Variants in LAMC3 observed in about 807,000 individuals in gnomAD.
The protein encoded by LAMC3 is laminin subunit gamma-3.
Under a neutral mutation model 173.8 loss-of-function variants are expected in LAMC3, and 128 were observed. That is an observed-to-expected ratio of 0.74 (90% CI 0.64 to 0.85). The LOEUF (loss-of-function observed/expected upper bound fraction) is 0.85, where lower values mean the gene tolerates loss of function less well. LAMC3 is among the 40% of genes least tolerant of loss of function. The pLI is 0.00. For missense variants in LAMC3, 2,022 were observed against 2,156.0 expected, an observed-to-expected ratio of 0.94 and a Z score of 1.23; for synonymous variants, 897 against 909.1, an observed-to-expected ratio of 0.99 and a Z score of 0.24.
At chr9:131,010,923 G>A (rs1027700154) in intron 1 of LAMC3, among the ~76,000 whole-genome samples, 3 of 152,196 alleles carry the variant, frequency 2.0e-5, no homozygotes, top group African/African-American at 4.8e-5. Flanking sequence ...CCGGGTAAGC[G>A]CCAAGTGTCT....
intron 12 of LAMC3, among the ~76,000 whole-genome samples, chr9:131,060,364 C>T (rs905206251): frequency 3.3e-5 from 5 of 152,170 alleles, no homozygotes; most frequent in African/African-American, 1.2e-4. Flanking sequence ...ACAGTGCTGG[C>T]CGGGCACGGT....
rs762811443 is a variant in LAMC3 at position 131,052,524 on chromosome 9, G to A, written c.1664G>A (p.Gly555Glu). The change falls in exon 10 of 28, where the codon GGG becomes GAG. Residue 555 changes from glycine (G) to glutamate (E), a missense_variant. Coordinates refer to ENST00000361069, the MANE Select transcript of LAMC3 (RefSeq NM_006059.4). ...KFLGDQRFSY[G>E]QPLILTFRVP... The stretch of plus-strand genomic sequence containing the variant: ...CTGGGAGACCAGCGGTTCAGCTATG[G>A]GCAGCCCCTCATACTGACCTTCCGG... The A allele has an allele frequency of 1.2e-5, 19 of 1,614,026 alleles. No homozygotes were observed. The highest frequency in any genetic ancestry group is 1.5e-5 in the Non-Finnish European group (18 of 1,180,008).
At chr9:131,054,808 G>C (rs1834369815) in intron 11 of LAMC3, among the ~76,000 whole-genome samples, 3 of 128,500 alleles carry the variant, frequency 2.3e-5, no homozygotes, top group Non-Finnish European at 4.9e-5. Flanking sequence ...GAGAGAGTGA[G>C]AGAGAGAGAA....
At chr9:131,069,611 C>A (rs1830002893) in intron 16 of LAMC3, 61 bp from the exon 17 acceptor site, 10 of 1,543,222 alleles carry the variant, frequency 6.5e-6, no homozygotes, top group Non-Finnish European at 8.8e-6. Context: ...CCCCTCTAAA[C>A]CCAGCACGCA....
rs781624841 is a variant in LAMC3, at chr9:131,009,241, G to T, written c.27G>T (p.Gly9=). The T allele has an allele frequency of 3.8e-5, 48 of 1,273,852 alleles. 2 individuals are homozygous for T. In the South Asian group the frequency reaches 1.2e-3, roughly 31 times the overall value. The allele number at this position is 1,273,852 out of a possible 1,614,324, so 78.9% of individuals were successfully genotyped here. MAAAALLL[G]LALLAPRAAG... ...TGGCGGCGGCTGCGCTTCTGCTGGGGCTGGCGCTGCTGGCACCGCGGGCGG... is the reference window on the plus strand; with the variant it reads ...TGGCGGCGGCTGCGCTTCTGCTGGGTCTGGCGCTGCTGGCACCGCGGGCGG... The change falls in exon 1 of 28, where the codon GGG becomes GGT. Residue 9 remains glycine (G), a synonymous_variant. Transcript: ENST00000361069. This position sits in a 1 kb window ranked among gnomAD's most constrained non-coding sequence, Gnocchi z 4.3.
rs1830067649 is a variant in LAMC3 at position 131,073,293 on chromosome 9, G to A, written c.3466G>A (p.Ala1156Thr). The change falls in exon 20 of 28, where the codon GCC becomes ACC. Residue 1156 changes from alanine to threonine, a missense_variant. By Grantham distance (58) the Ala-to-Thr change is moderately conservative. Coordinates refer to ENST00000361069, the MANE Select transcript of LAMC3 (RefSeq NM_006059.4). The part of the protein sequence containing the change: ...PSQPTKWSHL[A>T]TEARALARSH... ...TCAGCCGACCAAATGGAGCCACCTGGCCACAGAGGCCCGTGCCCTCGCCAG... is the reference window on the plus strand; with the variant it reads ...TCAGCCGACCAAATGGAGCCACCTGACCACAGAGGCCCGTGCCCTCGCCAG... 5.6e-6 allele frequency: 9 copies of A among 1,613,752 alleles called. No homozygotes were observed. The highest frequency in any genetic ancestry group is 6.8e-6 in the Non-Finnish European group (8 of 1,179,986).
chr9:131,052,875 GC>G lies in LAMC3; in HGVS notation c.1853del (p.Pro618LeufsTer15), dbSNP rs767180504. The G allele has an allele frequency of 1.2e-6, 2 of 1,613,746 alleles. No homozygotes were observed. The highest frequency in any genetic ancestry group is 1.7e-6 in the Non-Finnish European group (2 of 1,179,866). On this transcript the variant is annotated frameshift_variant, in exon 11 of 28. Coordinates refer to ENST00000361069, the MANE Select transcript of LAMC3 (RefSeq NM_006059.4). LOFTEE classifies it high-confidence loss of function. Reference sequence around the variant, plus strand: ...CCTGCAGGAGACCTCCGAGGACGTGGCCCCTCCACTGCCCCCCTTCCACTTC... The same window carrying G: ...CCTGCAGGAGACCTCCGAGGACGTGGCCCTCCACTGCCCCCCTTCCACTTC... ...FHLQETSEDV[A>X]PPLPPFHFQR... is the part of the protein sequence containing the mutation.
At chr9:131,080,253 G>C (rs1485508198) in intron 23 of LAMC3, 1 of 145,300 alleles carries the variant, frequency 6.9e-6, no homozygotes, top group East Asian at 2.0e-4. Flanking sequence ...TAGGATTATA[G>C]GTGTAAGCCA....
intron 27 of LAMC3, among the ~76,000 whole-genome samples, chr9:131,089,907 T>G (rs990996494): frequency 5.3e-5 from 8 of 152,132 alleles, no homozygotes; most frequent in Non-Finnish European, 8.8e-5. Context: ...GTTATTCTTT[T>G]GCCGTTTTGC....
intron 8 of LAMC3, 124 bp downstream of exon 8, chr9:131,045,784 A>G: frequency 8.0e-7 from 1 of 1,255,778 alleles, no homozygotes; most frequent in Non-Finnish European, 1.1e-6. Flanking sequence ...AGGCCTGCAC[A>G]GCCTAGGTGG....
intron 18 of LAMC3, 147 bp from the exon 19 acceptor site, chr9:131,072,483 G>C: frequency 2.8e-6 from 2 of 710,174 alleles, no homozygotes; most frequent in Non-Finnish European, 4.9e-6. Context: ...TGGAAAATGG[G>C]GGTACTCTGC....
At chr9:131,069,131 T>G in intron 16 of LAMC3, 81 bp downstream of exon 16, 1 of 1,501,284 alleles carries the variant, frequency 6.7e-7, no homozygotes, top group Non-Finnish European at 9.2e-7. Flanking sequence ...ATGGGGAAAA[T>G]GGGCGCAGCA....
chr9:131,046,333 G>T (rs1019271340), intron 8 of LAMC3, among the ~76,000 whole-genome samples: 3 of 151,092 alleles, frequency 2.0e-5, no homozygotes, highest in Non-Finnish European at 4.4e-5. Flanking sequence ...CTCCTGAGTA[G>T]CTAGGACCAC....
intron 6 of LAMC3, among the ~76,000 whole-genome samples, chr9:131,039,639 C>T (rs1044943720): frequency 2.0e-5 from 3 of 151,776 alleles, no homozygotes; most frequent in Admixed American, 6.6e-5. Context: ...ACAGCAGGAA[C>T]GCCTGGGCAG....
At chr9:131,083,224 C>A (rs1303946077) in intron 24 of LAMC3, among the ~76,000 whole-genome samples, 1 of 152,202 alleles carries the variant, frequency 6.6e-6, no homozygotes, top group Non-Finnish European at 1.5e-5. Context: ...GGGGGGCTCA[C>A]TACCTTACAA....
At chr9:131,079,075 A>C (rs1017377934) in intron 22 of LAMC3, 74 bp from the exon 23 acceptor site, 2 of 1,550,024 alleles carry the variant, frequency 1.3e-6, no homozygotes, top group East Asian at 4.7e-5. Flanking sequence ...CCAGCAGGGC[A>C]CCTCCCCCAA....
chr9:131,031,801 G>A (rs954286349), intron 2 of LAMC3, among the ~76,000 whole-genome samples: 2 of 152,166 alleles, frequency 1.3e-5, no homozygotes, highest in Admixed American at 1.3e-4. Flanking sequence ...TCACAGATGG[G>A]AAAATGGAGG....
intron 9 of LAMC3, 114 bp downstream of exon 9, chr9:131,049,244 T>C: frequency 1.3e-6 from 1 of 741,200 alleles, no homozygotes; most frequent in Non-Finnish European, 2.4e-6. Context: ...CTTAGAGTTC[T>C]GGAGAAGTCA....
At position 131,045,598 on chromosome 9, in the gene LAMC3, C is replaced by A; in HGVS notation, c.1457C>A (p.Ser486Tyr). The A allele has an allele frequency of 6.2e-7, 1 of 1,614,184 alleles. No homozygotes were observed. The highest frequency in any genetic ancestry group is 8.5e-7 in the Non-Finnish European group (1 of 1,180,034). Reference protein sequence around the residue: ...GCSSCFCYGHSKVCASTAQFQ... With the variant: ...GCSSCFCYGHYKVCASTAQFQ... ...AGCAGCTGTTTCTGCTATGGCCACTCCAAGGTGTGCGCGTCCACTGCCCAG... is the reference window on the plus strand; with the variant it reads ...AGCAGCTGTTTCTGCTATGGCCACTACAAGGTGTGCGCGTCCACTGCCCAG... The change falls in exon 8 of 28, where the codon TCC becomes TAC. Residue 486 changes from serine to tyrosine, a missense_variant. Physicochemically the swap from Ser to Tyr is moderately radical, Grantham distance 144 (BLOSUM62 -2). Coordinates refer to ENST00000361069, the MANE Select transcript of LAMC3 (RefSeq NM_006059.4).
Sources: gnomAD v4.1 joint callset for allele counts (sites outside exome capture counted in the v4.1 genomes callset) on GRCh38, gnomAD v4.1.1 for gene constraint, Gnocchi (gnomAD v3.1) non-coding constraint, MANE v1.5 for transcripts, NCBI Gene and HGNC (gene_info 2026-07-23, HGNC 2026-07-21) for gene names.